Variants in TMEM231 observed in about 807,000 individuals in gnomAD.
TMEM231 encodes the protein transmembrane protein 231.
Under a neutral mutation model 38.5 loss-of-function variants are expected in TMEM231, and 40 were observed. The observed-to-expected ratio is 1.04, with a 90% CI of 0.81 to 1.35. TMEM231 has a LOEUF of 1.35. Ranked by LOEUF, TMEM231 falls within the 40% of genes most tolerant of loss-of-function variation. The pLI, the probability that TMEM231 is intolerant of heterozygous loss-of-function variation, is 0.00. For missense variants in TMEM231, 420 were observed against 416.9 expected (o/e 1.01, Z -0.07); for synonymous variants, 199 against 181.7 (o/e 1.10, Z -0.77).
Position 75,538,289 on chromosome 16 carries a change from AC to A in TMEM231, c.*1704del, listed in dbSNP as rs2080581301. 6.6e-6 allele frequency: 1 copy of A among 152,166 alleles called. No homozygotes were observed. Among genetic ancestry groups the A allele is most frequent in the African/African-American group, 2.4e-5 (1 of 41,436 alleles). The allele number at this position is 152,166 out of a possible 1,614,324, so 9.4% of individuals were successfully genotyped here. ...CAAAGTGTTGAGATTACAGGAATGA[AC>A]CACCATGCTCGGCCTCATTTTGAAC... is the stretch of plus-strand genomic sequence containing the variant. On this transcript the variant is annotated 3_prime_UTR_variant, in exon 7 of 7. Transcript: ENST00000258173.
chr16:75,539,841 G>C lies in TMEM231; in HGVS notation c.*153C>G, dbSNP rs1299694192. On this transcript the variant is annotated 3_prime_UTR_variant, in exon 7 of 7. Transcript: ENST00000258173. ...GCAGGAGCTCTGAAGATACGGAACT[G>C]TGTAGAGCAAAACCGGAAAGAACCG... 4 of 622,046 alleles carry C rather than the reference G, an allele frequency of 6.4e-6. No individual in the cohort carries two copies. Among genetic ancestry groups the C allele is most frequent in the Non-Finnish European group, 1.1e-5 (4 of 367,696 alleles). 38.5% of individuals were successfully genotyped at this position (622,046 alleles called of 1,614,324 possible).
chr16:75,536,947 C>T lies in TMEM231; in HGVS notation c.*3047G>A, dbSNP rs943083925. ...GACCAGCCTGACCACCAGGGTGAAG[C>T]CCTGTCTCTACTAAAAACACAAAAA... On this transcript the variant is annotated 3_prime_UTR_variant, in exon 7 of 7. Transcript: ENST00000258173. 3.9e-5 allele frequency: 6 copies of T among 152,030 alleles called. No individual in the cohort carries two copies. The highest frequency in any genetic ancestry group is 8.8e-5 in the Non-Finnish European group (6 of 68,046). The allele number at this position is 152,030 out of a possible 1,614,324, so 9.4% of individuals were successfully genotyped here. A position where few individuals can be genotyped will look rare whatever the true frequency, so the allele number is the denominator to read the frequency against.
chr16:75,539,778 C>T lies in TMEM231; in HGVS notation c.*216G>A, dbSNP rs1475865497. On this transcript the variant is annotated 3_prime_UTR_variant, in exon 7 of 7. Transcript: ENST00000258173. ...AAAAGCTAATTATAGCCTCCAGGAACTCTCAGACCTTTCCACAAACTAGTC... is the reference window on the plus strand; with the variant it reads ...AAAAGCTAATTATAGCCTCCAGGAATTCTCAGACCTTTCCACAAACTAGTC... 37 of 423,842 alleles carry T rather than the reference C, an allele frequency of 8.7e-5. 1 individual carries two copies. The East Asian group carries it at 1.3e-3, about 15-fold the overall frequency. The allele number at this position is 423,842 out of a possible 1,614,324, so 26.3% of individuals were successfully genotyped here.
chr16:75,546,755 G>GT (rs2080697748), intron 2 of TMEM231, among the ~76,000 whole-genome samples: 1 of 152,098 alleles, frequency 6.6e-6, no homozygotes. Context: ...ACCAAACTCT[G>GT]TTTATAGATT....
intron 2 of TMEM231, among the ~76,000 whole-genome samples, chr16:75,547,655 T>C (rs2080709662): frequency 6.6e-6 from 1 of 152,164 alleles, no homozygotes; most frequent in African/African-American, 2.4e-5. Flanking sequence ...GGCACGTGCC[T>C]GTAATCCCAG....
At chr16:75,547,404 G>A (rs1400370673) in intron 2 of TMEM231, among the ~76,000 whole-genome samples, 1 of 152,168 alleles carries the variant, frequency 6.6e-6, no homozygotes, top group Non-Finnish European at 1.5e-5. Context: ...TCTTGTTTTA[G>A]AGAAACCTCC....
intron 4 of TMEM231, among the ~76,000 whole-genome samples, chr16:75,543,345 T>A (rs1022464666): frequency 6.6e-6 from 1 of 152,128 alleles, no homozygotes; most frequent in Non-Finnish European, 1.5e-5. Flanking sequence ...GGCAGATGGA[T>A]CACTTGAGAC....
chr16:75,539,133 G>A lies in TMEM231; in HGVS notation c.*861C>T, dbSNP rs1461096905. 6.6e-6 allele frequency: 1 copy of A among 151,746 alleles called. No individual in the cohort carries two copies. The highest frequency in any genetic ancestry group is 1.5e-5 in the Non-Finnish European group (1 of 67,936). The allele number at this position is 151,746 out of a possible 1,614,324, so 9.4% of individuals were successfully genotyped here. On this transcript the variant is annotated 3_prime_UTR_variant, in exon 7 of 7. Transcript: ENST00000258173. ...CTGTCGCCCCTGTCCTTTGCAGGAA[G>A]GGGGAGGGCTGTCAAGGAGGAGGAG... is the stretch of plus-strand genomic sequence containing the variant.
rs2080804884 is a variant in TMEM231 at position 75,555,894 on chromosome 16, G to A, written c.219C>T (p.Leu73=). The change falls in exon 2 of 7, where the codon CTC becomes CTT. Residue 73 remains leucine (L), a synonymous_variant. Transcript: ENST00000258173. ...CGAGGAACCCGTCGCTTTCGGGTCCGAGCAGGGCCACGAGCAGCACCTGGT... is the reference window on the plus strand; with the variant it reads ...CGAGGAACCCGTCGCTTTCGGGTCCAAGCAGGGCCACGAGCAGCACCTGGT... ...FQHQVLLVAL[L]GPESDGFLAW... 3 of 1,598,180 alleles carry A rather than the reference G, an allele frequency of 1.9e-6. No homozygotes were observed. Among genetic ancestry groups the A allele is most frequent in the Non-Finnish European group, 1.7e-6 (2 of 1,173,054 alleles).
chr16:75,547,826 G>A (rs1301155993), intron 2 of TMEM231, among the ~76,000 whole-genome samples: 8 of 152,096 alleles, frequency 5.3e-5, no homozygotes, highest in African/African-American at 1.4e-4. Context: ...TGTCTCCTGT[G>A]GATTTTCTTC....
chr16:75,542,575 G>A (rs1051976605), intron 5 of TMEM231, 27 bp downstream of exon 5: 1 of 1,602,082 alleles, frequency 6.2e-7, no homozygotes, highest in African/African-American at 1.3e-5. Context: ...CTGAGCAGCG[G>A]CTGAATGGGC....
Position 75,541,373 on chromosome 16 carries a change from G to A in TMEM231, c.747C>T (p.Ile249=). The A allele has an allele frequency of 1.2e-6, 2 of 1,611,380 alleles. No homozygotes were observed. The highest frequency in any genetic ancestry group is 1.1e-5 in the South Asian group (1 of 90,734). Reference sequence around the variant, plus strand: ...ATGAAATGACTTCCACAGGGTATCGGATGATAGCATTAATCACAAATGGAG... The same window carrying A: ...ATGAAATGACTTCCACAGGGTATCGAATGATAGCATTAATCACAAATGGAG... ...ADAPFVINAI[I]RYPVEVISYQ... Residue 249 remains isoleucine, a synonymous_variant, in exon 6 of 7, where the codon ATC becomes ATT. Transcript: ENST00000258173.
chr16:75,545,317 A>C (rs765490444), intron 4 of TMEM231, 35 bp downstream of exon 4: 1 of 1,594,110 alleles, frequency 6.3e-7, no homozygotes. Context: ...TAACACAGAG[A>C]AACAAAGGAG....
At chr16:75,552,791 T>C (rs755619136) in intron 2 of TMEM231, among the ~76,000 whole-genome samples, 2 of 152,146 alleles carry the variant, frequency 1.3e-5, no homozygotes, top group African/African-American at 4.8e-5. Flanking sequence ...TTGCCAACAG[T>C]TGATAACCAC....
rs930573716 is a variant in TMEM231, at chr16:75,545,511, G to A, written c.439-16C>T. 4.0e-6 allele frequency: 6 copies of A among 1,514,032 alleles called. No homozygotes were observed. Among genetic ancestry groups the A allele is most frequent in the Non-Finnish European group, 5.4e-6 (6 of 1,120,916 alleles). The allele number at this position is 1,514,032 out of a possible 1,614,324, so 93.8% of individuals were successfully genotyped here. A position where few individuals can be genotyped will look rare whatever the true frequency, so the allele number is the denominator to read the frequency against. On this transcript the variant is annotated splice_polypyrimidine_tract_variant and intron_variant, in intron 3 of 6. Transcript: ENST00000258173. ...TCGCCATCCTCTGAAATCATTAGAA[G>A]GACCAACAATACCAACCGCCATCAG...
At position 75,556,096 on chromosome 16, in the gene TMEM231, C is replaced by T; in HGVS notation, c.114G>A (p.Pro38=). ...LLAAALTYIP[P]LLVAFRSHGF... is the part of the protein sequence containing the mutation. The stretch of plus-strand genomic sequence containing the variant: ...CGTGGCTCCGGAAGGCCACCAGCAG[C>T]GGCGGGATGTACGTGAGCGCAGCGG... The change falls in exon 1 of 7, where the codon CCG becomes CCA. Residue 38 remains proline (P), a synonymous_variant. Transcript: ENST00000258173. The T allele has an allele frequency of 6.4e-7, 1 of 1,569,668 alleles. No homozygotes were observed. Among genetic ancestry groups the T allele is most frequent in the Non-Finnish European group, 8.6e-7 (1 of 1,158,732 alleles).
At chr16:75,544,342 G>A (rs2080658559) in intron 4 of TMEM231, among the ~76,000 whole-genome samples, 1 of 152,206 alleles carries the variant, frequency 6.6e-6, no homozygotes. Flanking sequence ...ACTGGGCTTG[G>A]GGATATCTGA....
At chr16:75,546,437 C>T (rs549127195) in intron 2 of TMEM231, among the ~76,000 whole-genome samples, 16 of 151,258 alleles carry the variant, frequency 1.1e-4, no homozygotes, top group Admixed American at 9.8e-4. Flanking sequence ...AATCACCAAG[C>T]TCTATTTTTT....
intron 4 of TMEM231, among the ~76,000 whole-genome samples, chr16:75,544,339 T>A (rs2080658505): frequency 1.3e-5 from 2 of 152,150 alleles, no homozygotes; most frequent in Non-Finnish European, 2.9e-5. Context: ...AGGACTGGGC[T>A]TGGGGATATC....
Sources: allele counts gnomAD v4.1 joint callset (sites outside exome capture counted in the v4.1 genomes callset), GRCh38; gene constraint gnomAD v4.1.1; transcripts MANE v1.5; gene names NCBI Gene and HGNC (gene_info 2026-07-23, HGNC 2026-07-21).